The following CLEC5A variants were observed in gnomAD, a reference collection of about 807,000 sequenced individuals.
CLEC5A encodes C-type lectin domain containing 5A.
CLEC5A carries 15 observed loss-of-function variants against 24.4 expected under a neutral mutation model. The observed-to-expected ratio is 0.62, with a 90% CI of 0.41 to 0.95. The LOEUF (loss-of-function observed/expected upper bound fraction) is 0.95, where lower values mean the gene tolerates loss of function less well. Ranked by LOEUF, CLEC5A falls within the 40% of genes least tolerant of loss-of-function variation. The pLI, the probability that CLEC5A is intolerant of heterozygous loss-of-function variation, is 0.00. For missense variants in CLEC5A, 211 were observed against 224.0 expected (o/e 0.94, Z 0.37); for synonymous variants, 71 against 72.6 (o/e 0.98, Z 0.11).
rs1554440156 is a variant in CLEC5A at position 141,930,249 on chromosome 7, A to G, written c.453-31T>C. On this transcript the variant is annotated intron_variant, in intron 6 of 6. Coordinates refer to ENST00000546910, the MANE Select transcript of CLEC5A (RefSeq NM_013252.3). ...TGAGAAAACAAAACAAAACAAAACA[A>G]ACAAACAAAAAACAAAGCATGGTGA... The G allele has an allele frequency of 3.3e-6, 5 of 1,537,210 alleles. No individual in the cohort carries two copies. In the South Asian group the frequency reaches 5.6e-5, roughly 17 times the overall value.
chr7:141,946,393 A>G, intron 1 of CLEC5A, 81 bp from the exon 2 acceptor site: 1 of 1,299,662 alleles, frequency 7.7e-7, no homozygotes, highest in Non-Finnish European at 1.1e-6. Context: ...CCTCTCGCTC[A>G]GAGTACCCAA....
chr7:141,946,468 C>T (rs1024033932), intron 1 of CLEC5A, among the ~76,000 whole-genome samples, 156 bp from the exon 2 acceptor site: 9 of 152,090 alleles, frequency 5.9e-5, no homozygotes, highest in East Asian at 1.9e-4. Context: ...CAGCGTGGGC[C>T]GCGAACACAG....
chr7:141,937,305 G>C (rs1802660014), intron 4 of CLEC5A, among the ~76,000 whole-genome samples: 5 of 151,930 alleles, frequency 3.3e-5, no homozygotes, highest in South Asian at 2.1e-4. Context: ...AGACATAAAG[G>C]GTAGGTTCTA....
rs1802382604 is a variant in CLEC5A, at chr7:141,929,264, G to A, written c.*840C>T. The A allele has an allele frequency of 6.6e-6, 1 of 152,158 alleles. No individual in the cohort carries two copies. Among genetic ancestry groups the A allele is most frequent in the Non-Finnish European group, 1.5e-5 (1 of 68,040 alleles). The allele number at this position is 152,158 out of a possible 1,614,324, so 9.4% of individuals were successfully genotyped here. A position where few individuals can be genotyped will look rare whatever the true frequency, so the allele number is the denominator to read the frequency against. On this transcript the variant is annotated 3_prime_UTR_variant, in exon 7 of 7. Transcript: ENST00000546910. ...GGATGAATATATTGTGATTATTGTTGCCTAAGAGACTATCCAAAATTTTAA... is the reference window on the plus strand; with the variant it reads ...GGATGAATATATTGTGATTATTGTTACCTAAGAGACTATCCAAAATTTTAA...
intron 2 of CLEC5A, chr7:141,945,703 T>C (rs879984900): frequency 9.0e-6 from 4 of 443,810 alleles, no homozygotes; most frequent in African/African-American, 2.0e-5. Flanking sequence ...TACTGGCTTC[T>C]GGGGCTAGAG....
At chr7:141,936,027 G>T in intron 4 of CLEC5A, 77 bp from the exon 5 acceptor site, 1 of 1,217,452 alleles carries the variant, frequency 8.2e-7, no homozygotes, top group Non-Finnish European at 1.2e-6. Context: ...ATGAAACAGT[G>T]ATACATATTT....
intron 4 of CLEC5A, among the ~76,000 whole-genome samples, chr7:141,937,445 G>T (rs1297356635): frequency 6.6e-6 from 1 of 152,188 alleles, no homozygotes; most frequent in Non-Finnish European, 1.5e-5. Flanking sequence ...TCTGCCTGCA[G>T]AAAGGGGAGG....
At chr7:141,934,249 G>A (rs1802549837) in intron 5 of CLEC5A, among the ~76,000 whole-genome samples, 1 of 152,180 alleles carries the variant, frequency 6.6e-6, no homozygotes, top group African/African-American at 2.4e-5. Context: ...CTGGAGGCAA[G>A]GAGATGGATT....
intron 5 of CLEC5A, among the ~76,000 whole-genome samples, chr7:141,933,948 A>G (rs1363133337): frequency 2.0e-5 from 3 of 152,132 alleles, no homozygotes; most frequent in Admixed American, 6.5e-5. Context: ...AGACAGACAG[A>G]GAGTATGAGA....
chr7:141,932,263 C>A (rs1007900319), intron 5 of CLEC5A, among the ~76,000 whole-genome samples: 1 of 152,168 alleles, frequency 6.6e-6, no homozygotes. Flanking sequence ...TGAGGCTGAA[C>A]CAAGTGCTAA....
chr7:141,929,313 G>A lies in CLEC5A; in HGVS notation c.*791C>T, dbSNP rs1554439970. 6.6e-6 allele frequency: 1 copy of A among 152,152 alleles called. No individual in the cohort carries two copies. The highest frequency in any genetic ancestry group is 1.5e-5 in the Non-Finnish European group (1 of 68,034). 9.4% of individuals were successfully genotyped at this position (152,152 alleles called of 1,614,324 possible). A position where few individuals can be genotyped will look rare whatever the true frequency, so the allele number is the denominator to read the frequency against. On this transcript the variant is annotated 3_prime_UTR_variant, in exon 7 of 7. Transcript: ENST00000546910. ...AAAAATACTCAACAAATACAGCCAG[G>A]TACTCAAAACCTTCAGAGCAAAGGA... is the stretch of plus-strand genomic sequence containing the variant.
intron 5 of CLEC5A, among the ~76,000 whole-genome samples, chr7:141,933,759 A>C (rs1205559522): frequency 6.6e-6 from 1 of 151,904 alleles, no homozygotes; most frequent in Non-Finnish European, 1.5e-5. Context: ...TCTGGTGCCC[A>C]GAGAAAGAGA....
At chr7:141,931,867 G>A (rs782709275) in intron 5 of CLEC5A, 41 bp from the exon 6 acceptor site, 1 of 888,482 alleles carries the variant, frequency 1.1e-6, no homozygotes, top group East Asian at 2.4e-5. Context: ...GTCTTTTAAT[G>A]ATGCCTCTCT....
At chr7:141,939,620 T>G (rs1399344954) in intron 4 of CLEC5A, among the ~76,000 whole-genome samples, 5 of 152,008 alleles carry the variant, frequency 3.3e-5, no homozygotes, top group Non-Finnish European at 7.4e-5. Flanking sequence ...GATTAAACTT[T>G]CCAATCAAAG....
Position 141,945,412 on chromosome 7 carries a change from A to C in CLEC5A, c.80-12T>G, listed in dbSNP as rs1554442042. 6.2e-7 allele frequency: 1 copy of C among 1,607,338 alleles called. No homozygotes were observed. Among genetic ancestry groups the C allele is most frequent in the African/African-American group, 1.3e-5 (1 of 74,908 alleles). On this transcript the variant is annotated splice_polypyrimidine_tract_variant and intron_variant, in intron 2 of 6. Coordinates refer to ENST00000546910, the MANE Select transcript of CLEC5A (RefSeq NM_013252.3). ...AAAAATCTGTGGGACTGAAAAGAAA[A>C]TCAGCTGTTGGCTCAGCCCCAAATG...
At chr7:141,940,047 A>T (rs1802740037) in intron 4 of CLEC5A, among the ~76,000 whole-genome samples, 1 of 152,190 alleles carries the variant, frequency 6.6e-6, no homozygotes, top group Non-Finnish European at 1.5e-5. Context: ...AAAATCAACA[A>T]AGTAACATTG....
chr7:141,946,918 C>T lies in CLEC5A; in HGVS notation c.-132G>A. ...CTCCTGAGAATATGCTCCTTTTGCC[C>T]AAGCAACGTTCTTCCTTCTTCACAG... On this transcript the variant is annotated 5_prime_UTR_variant, in exon 1 of 7. Coordinates refer to ENST00000546910, the MANE Select transcript of CLEC5A (RefSeq NM_013252.3). 6.6e-6 allele frequency: 1 copy of T among 152,426 alleles called. No homozygotes were observed. Among genetic ancestry groups the T allele is most frequent in the Non-Finnish European group, 1.5e-5 (1 of 68,144 alleles). 9.4% of individuals were successfully genotyped at this position (152,426 alleles called of 1,614,324 possible).
At position 141,931,701 on chromosome 7, in the gene CLEC5A, C is replaced by T. The variant is rs1802468141; in HGVS notation, c.452+19G>A. ...GAAGCAAACCAAGATCCCCAGGAAA[C>T]TGTGGCATGTTCACGTACTTGCCAT... On this transcript the variant is annotated intron_variant, in intron 6 of 6. Transcript: ENST00000546910. The T allele has an allele frequency of 7.5e-7, 1 of 1,335,768 alleles. No individual in the cohort carries two copies. Among genetic ancestry groups the T allele is most frequent in the Middle Eastern group, 1.8e-4 (1 of 5,528 alleles). 82.7% of individuals were successfully genotyped at this position (1,335,768 alleles called of 1,614,324 possible). A position where few individuals can be genotyped will look rare whatever the true frequency, so the allele number is the denominator to read the frequency against.
chr7:141,935,428 G>T (rs1554440946), intron 5 of CLEC5A, among the ~76,000 whole-genome samples: 1 of 152,118 alleles, frequency 6.6e-6, no homozygotes, highest in Non-Finnish European at 1.5e-5. Flanking sequence ...TTACTATGCA[G>T]ACTGGGATGG....
Sources: allele counts gnomAD v4.1 joint callset (sites outside exome capture counted in the v4.1 genomes callset), GRCh38; gene constraint gnomAD v4.1.1; transcripts MANE v1.5; gene names NCBI Gene and HGNC (gene_info 2026-07-23, HGNC 2026-07-21).